The following SH3RF1 variants were observed in gnomAD, a reference collection of about 807,000 sequenced individuals.
SH3RF1 encodes E3 ubiquitin-protein ligase SH3RF1.
A neutral mutation model predicts 74.0 loss-of-function variants in SH3RF1; 32 were observed. The observed-to-expected ratio is 0.43, with a 90% CI of 0.33 to 0.58. The LOEUF is 0.58. Ranked by LOEUF, SH3RF1 falls within the 20% of genes least tolerant of loss-of-function variation. The pLI is 0.05. For synonymous variants in SH3RF1, 396 were observed against 439.6 expected, an observed-to-expected ratio of 0.90 and a Z score of 1.24; for missense variants, 954 against 1,130.9, an observed-to-expected ratio of 0.84 and a Z score of 2.24.
intron 8 of SH3RF1, among the ~76,000 whole-genome samples, chr4:169,118,360 T>A (rs1733377178): frequency 6.6e-6 from 1 of 152,236 alleles, no homozygotes; most frequent in African/African-American, 2.4e-5. Flanking sequence ...GATCTTATGA[T>A]TCTATTGTTT....
chr4:169,261,535 G>T (rs561586297), intron 2 of SH3RF1, among the ~76,000 whole-genome samples: 57 of 149,274 alleles, frequency 3.8e-4, no homozygotes, highest in Middle Eastern at 6.9e-3. Context: ...CATGAAATAA[G>T]AATAATAATG....
intron 4 of SH3RF1, among the ~76,000 whole-genome samples, chr4:169,151,301 T>C (rs1430088492): frequency 6.6e-6 from 1 of 152,188 alleles, no homozygotes; most frequent in Non-Finnish European, 1.5e-5. Flanking sequence ...AAAGGGTTAA[T>C]AATTTCTAGG....
At chr4:169,183,121 C>G (rs965433818) in intron 2 of SH3RF1, among the ~76,000 whole-genome samples, 2 of 152,166 alleles carry the variant, frequency 1.3e-5, no homozygotes, top group Non-Finnish European at 2.9e-5. Flanking sequence ...GCCTCGCCAA[C>G]ATGGCGAAAC....
At chr4:169,148,063 C>T (rs1733921906) in intron 4 of SH3RF1, among the ~76,000 whole-genome samples, 1 of 152,136 alleles carries the variant, frequency 6.6e-6, no homozygotes, top group African/African-American at 2.4e-5. Flanking sequence ...TGAGTAGTGA[C>T]TCATTTCTGA....
At chr4:169,200,672 C>T (rs960293014) in intron 2 of SH3RF1, among the ~76,000 whole-genome samples, 1 of 152,122 alleles carries the variant, frequency 6.6e-6, no homozygotes, top group Admixed American at 6.6e-5. Context: ...TATTTGTGAA[C>T]AGTTCAACTA....
At chr4:169,194,537 T>A (rs1734779017) in intron 2 of SH3RF1, among the ~76,000 whole-genome samples, 1 of 152,212 alleles carries the variant, frequency 6.6e-6, no homozygotes, top group Admixed American at 6.5e-5. Context: ...TCCATATGAT[T>A]ACGTGTGTCA....
chr4:169,165,526 A>T (rs926330587), intron 2 of SH3RF1, among the ~76,000 whole-genome samples: 1 of 152,062 alleles, frequency 6.6e-6, no homozygotes, highest in African/African-American at 2.4e-5. Context: ...TTAAAAAACT[A>T]AAAAAACAAA....
At position 169,129,998 on chromosome 4, in the gene SH3RF1, T is replaced by A. The variant is rs368925149; in HGVS notation, c.1179+48A>T. Reference sequence around the variant, plus strand: ...GGAGGTGGAGTGTGCCAGATTAACATGACTAAAGACCTAAAAGAGAAATAA... The same window carrying A: ...GGAGGTGGAGTGTGCCAGATTAACAAGACTAAAGACCTAAAAGAGAAATAA... On this transcript the variant is annotated intron_variant, in intron 6 of 11. Transcript: ENST00000284637. The A allele has an allele frequency of 3.9e-5, 58 of 1,492,878 alleles. 2 individuals are homozygous for A. In the South Asian group the frequency reaches 6.2e-4, roughly 16 times the overall value. The allele number at this position is 1,492,878 out of a possible 1,614,324, so 92.5% of individuals were successfully genotyped here.
chr4:169,191,391 T>C (rs539725255), intron 2 of SH3RF1, among the ~76,000 whole-genome samples: 2 of 149,778 alleles, frequency 1.3e-5, no homozygotes, highest in East Asian at 2.0e-4. Flanking sequence ...AAAGAAATCA[T>C]AGATGACACA....
intron 2 of SH3RF1, among the ~76,000 whole-genome samples, chr4:169,201,383 T>A (rs1274560021): frequency 6.6e-6 from 1 of 152,182 alleles, no homozygotes; most frequent in East Asian, 1.9e-4. Context: ...GCAGGGAGGA[T>A]CTGTAAAAAA....
chr4:169,112,504 A>G (rs552057456), intron 10 of SH3RF1, among the ~76,000 whole-genome samples: 10 of 152,352 alleles, frequency 6.6e-5, no homozygotes, highest in African/African-American at 2.4e-4. Context: ...CTGAAACCCA[A>G]AAGGGAAGAT....
At chr4:169,134,032 T>C (rs1733659365) in intron 5 of SH3RF1, among the ~76,000 whole-genome samples, 1 of 152,212 alleles carries the variant, frequency 6.6e-6, no homozygotes, top group South Asian at 2.1e-4. Flanking sequence ...ACATGCTCAA[T>C]GCTCTATTGT....
At chr4:169,154,908 A>G (rs10050036) in intron 4 of SH3RF1, among the ~76,000 whole-genome samples, 48,438 of 152,026 alleles carry the variant, frequency 0.32, 8,028 homozygotes, top group African/African-American at 0.4. Flanking sequence ...GACTACACAT[A>G]CTCTCTAAAA....
intron 11 of SH3RF1, among the ~76,000 whole-genome samples, chr4:169,104,654 C>T (rs1733101538): frequency 6.6e-6 from 1 of 152,098 alleles, no homozygotes; most frequent in Admixed American, 6.5e-5. Context: ...GTAATCCCAG[C>T]ACTTTGAGAG....
intron 5 of SH3RF1, among the ~76,000 whole-genome samples, chr4:169,135,034 G>A (rs1008893102): frequency 3.9e-5 from 6 of 152,066 alleles, no homozygotes; most frequent in Admixed American, 1.3e-4. Context: ...AAATCTAAAG[G>A]AGCAGGGTCA....
intron 2 of SH3RF1, among the ~76,000 whole-genome samples, chr4:169,226,637 A>G: frequency 6.6e-6 from 1 of 152,232 alleles, no homozygotes; most frequent in East Asian, 1.9e-4. Flanking sequence ...AAATGACTTT[A>G]GGTCAGTAGC....
rs1240251291 is a variant in SH3RF1 at position 169,170,787 on chromosome 4, GAA to G, written c.394-14110_394-14109del. On this transcript the variant is annotated intron_variant, in intron 2 of 11. Transcript: ENST00000284637. ...CTGATCTAATCTGTCTGATCTGTCT[GAA>G]ATACAACTTTTACCATCAGAGCATG... Among the ~76,000 whole-genome samples, 6 of 152,170 alleles carry G rather than the reference GAA, an allele frequency of 3.9e-5. No individual in the cohort carries two copies. The East Asian group carries it at 1.2e-3, about 29-fold the overall frequency.
chr4:169,142,997 A>G (rs2126957588), intron 4 of SH3RF1, among the ~76,000 whole-genome samples: 1 of 152,334 alleles, frequency 6.6e-6, no homozygotes, highest in East Asian at 1.9e-4. Context: ...AGGAATAACT[A>G]AGAGACTGAA....
chr4:169,189,166 A>G (rs956709192), intron 2 of SH3RF1, among the ~76,000 whole-genome samples: 1 of 152,216 alleles, frequency 6.6e-6, no homozygotes, highest in African/African-American at 2.4e-5. Context: ...TCACAATTCT[A>G]TTTCCGTTGA....
Sources: gnomAD v4.1 joint callset for allele counts (sites outside exome capture counted in the v4.1 genomes callset) on GRCh38, gnomAD v4.1.1 for gene constraint, MANE v1.5 for transcripts, NCBI Gene and HGNC (gene_info 2026-07-23, HGNC 2026-07-21) for gene names.